Variants in DCAF6 observed in about 807,000 individuals in gnomAD.
DCAF6 encodes the protein DDB1- and CUL4-associated factor 6.
In DCAF6, 54 loss-of-function variants were observed where a neutral mutation model predicts 125.1. That is an observed-to-expected ratio of 0.43 (90% CI 0.35 to 0.54). DCAF6 has a LOEUF of 0.54. DCAF6 is among the 20% of genes least tolerant of loss of function. The pLI, the probability that DCAF6 is intolerant of heterozygous loss-of-function variation, is 0.01. For missense variants in DCAF6, 934 were observed against 1,161.7 expected, an observed-to-expected ratio of 0.80 and a Z score of 2.85; for synonymous variants, 371 against 390.4, an observed-to-expected ratio of 0.95 and a Z score of 0.58.
At chr1:168,044,150 G>C (rs1572071477) in intron 14 of DCAF6, among the ~76,000 whole-genome samples, 1 of 152,060 alleles carries the variant, frequency 6.6e-6, no homozygotes, top group South Asian at 2.1e-4. Flanking sequence ...ACTGAGGGGA[G>C]GTTTTAGCTG....
At chr1:168,040,579 T>G (rs1237076459) in intron 13 of DCAF6, among the ~76,000 whole-genome samples, 1 of 151,954 alleles carries the variant, frequency 6.6e-6, no homozygotes, top group Non-Finnish European at 1.5e-5. Context: ...ATTTAAAAAT[T>G]GTGATGTTTG....
chr1:167,997,319 A>G (rs892581564), intron 7 of DCAF6, among the ~76,000 whole-genome samples: 7 of 152,198 alleles, frequency 4.6e-5, no homozygotes, highest in African/African-American at 1.7e-4. Flanking sequence ...ATATTGTTTT[A>G]AGAATAGTTC....
chr1:167,885,401 C>T, the DCAF6 span, among the ~76,000 whole-genome samples: 1 of 152,198 alleles, frequency 6.6e-6, no homozygotes, highest in Admixed American at 6.5e-5. Flanking sequence ...TTTACTTTCT[C>T]ATTAACAGTG....
chr1:168,056,363 C>G, intron 17 of DCAF6: 5 of 1,544,924 alleles, frequency 3.2e-6, no homozygotes, highest in Non-Finnish European at 4.4e-6. Context: ...CGGCGGGTGA[C>G]GGGACCGCGC....
the DCAF6 span, among the ~76,000 whole-genome samples, chr1:167,887,919 G>T: frequency 1.3e-5 from 2 of 152,010 alleles, no homozygotes; most frequent in Admixed American, 1.3e-4. Flanking sequence ...GTAGTTTCAT[G>T]GTTTGATGTC....
At chr1:167,936,102 C>T (rs1345614050), upstream of DCAF6, 2 of 544,058 alleles carry the variant, frequency 3.7e-6, no homozygotes, top group Non-Finnish European at 6.7e-6. Context: ...AGGGAGGAGC[C>T]ATGGCAACAG....
chr1:168,014,463 C>T (rs1192884798), intron 10 of DCAF6, among the ~76,000 whole-genome samples: 2 of 152,122 alleles, frequency 1.3e-5, no homozygotes, highest in Non-Finnish European at 2.9e-5. Flanking sequence ...GTTCTTAGAC[C>T]TCTTCTGTGT....
chr1:168,071,031 C>T (rs534476304), intron 21 of DCAF6, among the ~76,000 whole-genome samples: 1 of 152,168 alleles, frequency 6.6e-6, no homozygotes, highest in Admixed American at 6.5e-5. Context: ...CTTATTAAAT[C>T]GTTCACAGAT....
the DCAF6 span, among the ~76,000 whole-genome samples, chr1:167,876,042 A>T: frequency 6.6e-6 from 1 of 152,166 alleles, no homozygotes; most frequent in African/African-American, 2.4e-5. Flanking sequence ...GGATCATCTG[A>T]GGTCAGGAGT....
intron 4 of DCAF6, among the ~76,000 whole-genome samples, chr1:167,985,973 G>A (rs1046764134): frequency 6.6e-6 from 1 of 152,092 alleles, no homozygotes; most frequent in East Asian, 1.9e-4. Flanking sequence ...ATCATACTGT[G>A]CCTTCTCTTT....
chr1:167,877,484 T>C, the DCAF6 span, among the ~76,000 whole-genome samples: 1 of 152,038 alleles, frequency 6.6e-6, no homozygotes, highest in Non-Finnish European at 1.5e-5. Flanking sequence ...AGCTTGCTAA[T>C]CTAATGAATA....
the DCAF6 span, among the ~76,000 whole-genome samples, chr1:167,916,052 G>A: frequency 1.3e-5 from 2 of 152,254 alleles, no homozygotes; most frequent in South Asian, 2.1e-4. Context: ...TATACTAATC[G>A]ATTTGCACCA....
At chr1:168,046,613 T>A (rs543412743) in intron 16 of DCAF6, among the ~76,000 whole-genome samples, 3 of 152,296 alleles carry the variant, frequency 2.0e-5, no homozygotes, top group Non-Finnish European at 4.4e-5. Context: ...TTGAGCATTC[T>A]TAGTATATAT....
At chr1:167,888,954 A>C in the DCAF6 span, among the ~76,000 whole-genome samples, 1 of 151,812 alleles carries the variant, frequency 6.6e-6, no homozygotes, top group Non-Finnish European at 1.5e-5. Flanking sequence ...GACCTTGTTG[A>C]ATTTGTGTAT....
At chr1:167,951,233 C>T (rs1047309064) in intron 1 of DCAF6, among the ~76,000 whole-genome samples, 2 of 152,030 alleles carry the variant, frequency 1.3e-5, no homozygotes, top group African/African-American at 2.4e-5. Context: ...AAGAAATGTA[C>T]GAGTGTTTAT....
the DCAF6 span, among the ~76,000 whole-genome samples, chr1:167,887,537 G>A: frequency 6.6e-6 from 1 of 152,056 alleles, no homozygotes; most frequent in Non-Finnish European, 1.5e-5. Context: ...ACACACCAGG[G>A]CCTGTCGTGG....
At chr1:168,044,760 C>G in intron 15 of DCAF6, 89 bp downstream of exon 15, 1 of 1,407,228 alleles carries the variant, frequency 7.1e-7, no homozygotes, top group Non-Finnish European at 9.9e-7. Context: ...AGGCCATGTT[C>G]AAGTGTATTG....
At chr1:167,985,229 GTGT>G in intron 4 of DCAF6, among the ~76,000 whole-genome samples, 1 of 151,136 alleles carries the variant, frequency 6.6e-6, no homozygotes, top group African/African-American at 2.5e-5. Flanking sequence ...TGTGTGTGGT[GTGT>G]GTGTGCGTGC....
intron 1 of DCAF6, 96 bp downstream of exon 1, chr1:167,937,104 G>A: frequency 9.4e-7 from 1 of 1,062,576 alleles, no homozygotes; most frequent in Non-Finnish European, 1.4e-6. Context: ...ACGGCGTCTC[G>A]GTGGGGGCGC....
Sources: allele counts gnomAD v4.1 joint callset (sites outside exome capture counted in the v4.1 genomes callset), GRCh38; gene constraint gnomAD v4.1.1; transcripts MANE v1.5; gene names NCBI Gene and HGNC (gene_info 2026-07-23, HGNC 2026-07-21).